The following PTPRN2 variants were observed in gnomAD, a reference collection of about 807,000 sequenced individuals.
PTPRN2 encodes the protein protein tyrosine phosphatase receptor type N2.
Under a neutral mutation model 118.8 loss-of-function variants are expected in PTPRN2, and 74 were observed. The observed-to-expected ratio is 0.62, with a 90% CI of 0.52 to 0.76. The LOEUF is 0.76. Among genes scored for constraint, PTPRN2 ranks in the 30% least tolerant of loss-of-function variants. The pLI is 0.00. For missense variants in PTPRN2, 1,481 were observed against 1,394.4 expected, an observed-to-expected ratio of 1.06 and a Z score of -0.99; for synonymous variants, 641 against 608.0, an observed-to-expected ratio of 1.05 and a Z score of -0.80.
chr7:158,520,588 G>T (rs1823906432), intron 1 of PTPRN2, among the ~76,000 whole-genome samples: 1 of 152,146 alleles, frequency 6.6e-6, no homozygotes, highest in South Asian at 2.1e-4. Context: ...AGCAACAGTG[G>T]CTCCAACCCC....
chr7:157,562,144 C>T (rs1799224136), intron 21 of PTPRN2, among the ~76,000 whole-genome samples: 1 of 152,196 alleles, frequency 6.6e-6, no homozygotes, highest in South Asian at 2.1e-4. Context: ...CGGCAGTGGC[C>T]AGGTTGCCCA....
At position 158,205,267 on chromosome 7, in the gene PTPRN2, G is replaced by T; in HGVS notation, c.284C>A (p.Thr95Lys). 6.2e-7 allele frequency: 1 copy of T among 1,612,946 alleles called. No individual in the cohort carries two copies. Among genetic ancestry groups the T allele is most frequent in the Non-Finnish European group, 8.5e-7 (1 of 1,179,584 alleles). ...ALQKLSGTGF[T>K]WQDDYTQYVM... ...ATACTGAGTATAGTCATCCTGCCAC[G>T]TGAAACCTGTGGACAAAAATTGCAA... The change falls in exon 4 of 23, where the codon ACG (threonine) becomes AAG (lysine). Residue 95 changes from threonine to lysine, a missense_variant. Physicochemically the swap from Thr to Lys is moderately conservative, Grantham distance 78. Around this residue, in one of 3 missense-constraint regions of PTPRN2, gnomAD observed 1,115 missense variants for 994.2 expected, o/e 1.12. Transcript: ENST00000389418.
intron 11 of PTPRN2, among the ~76,000 whole-genome samples, chr7:157,911,760 C>A (rs1798117839): frequency 6.6e-6 from 1 of 152,156 alleles, no homozygotes; most frequent in Admixed American, 6.5e-5. Context: ...TGCATAGTTT[C>A]TGTATGTAGA....
At chr7:157,621,601 G>A (rs919495129) in intron 14 of PTPRN2, 92 bp from the exon 15 acceptor site, 59 of 1,517,334 alleles carry the variant, frequency 3.9e-5, no homozygotes, top group Middle Eastern at 1.7e-4. Flanking sequence ...TGCACTCGCC[G>A]CGTGGGCCAT....
chr7:158,114,096 TTG>T (rs1816531017), intron 9 of PTPRN2, among the ~76,000 whole-genome samples: 1 of 152,118 alleles, frequency 6.6e-6, no homozygotes, highest in South Asian at 2.1e-4. Context: ...AAAAAACCCT[TTG>T]TAGGTGAAGG....
intron 3 of PTPRN2, among the ~76,000 whole-genome samples, chr7:158,252,246 G>C (rs907386722): frequency 6.6e-6 from 1 of 152,114 alleles, no homozygotes; most frequent in African/African-American, 2.4e-5. Flanking sequence ...TCACCTCTGC[G>C]GCGAGAATCA....
At chr7:158,129,240 A>C (rs1817959126) in intron 9 of PTPRN2, among the ~76,000 whole-genome samples, 1 of 143,984 alleles carries the variant, frequency 6.9e-6, no homozygotes, top group Admixed American at 6.9e-5. Flanking sequence ...CACGACACAC[A>C]ACAGACACCC....
intron 3 of PTPRN2, among the ~76,000 whole-genome samples, chr7:158,214,954 C>T (rs900324448): frequency 6.6e-6 from 1 of 152,000 alleles, no homozygotes; most frequent in Non-Finnish European, 1.5e-5. Flanking sequence ...CAAAAATGTC[C>T]AGATTTCAAA....
chr7:158,276,562 C>CCCAA (rs1799017227), intron 3 of PTPRN2, among the ~76,000 whole-genome samples: 1 of 152,148 alleles, frequency 6.6e-6, no homozygotes, highest in African/African-American at 2.4e-5. Flanking sequence ...ACACCCTGGC[C>CCCAA]CTGGGCAGTC....
intron 1 of PTPRN2, chr7:158,539,720 G>A (rs898720980): frequency 1.5e-5 from 4 of 258,342 alleles, no homozygotes; most frequent in Non-Finnish European, 3.1e-5. Context: ...GGTGACGGCT[G>A]GGGACATACT....
chr7:157,744,089 GT>G (rs1041642414), intron 12 of PTPRN2, among the ~76,000 whole-genome samples: 2 of 152,206 alleles, frequency 1.3e-5, no homozygotes, highest in African/African-American at 4.8e-5. Context: ...CATGCTTTCT[GT>G]TTTTATGGGA....
At chr7:157,847,780 G>A (rs1808963774) in intron 12 of PTPRN2, among the ~76,000 whole-genome samples, 1 of 142,832 alleles carries the variant, frequency 7.0e-6, no homozygotes, top group Non-Finnish European at 1.5e-5. Context: ...TGTCTACAGA[G>A]CCCTCTCTCA....
intron 22 of PTPRN2, among the ~76,000 whole-genome samples, chr7:157,544,797 C>T (rs895937955): frequency 2.6e-5 from 4 of 152,210 alleles, no homozygotes; most frequent in African/African-American, 7.2e-5. Flanking sequence ...TCTGGCATCC[C>T]TTGTGTCTGC....
chr7:157,775,034 T>G (rs977276205), intron 12 of PTPRN2, among the ~76,000 whole-genome samples: 18 of 152,190 alleles, frequency 1.2e-4, no homozygotes, highest in African/African-American at 4.1e-4. Flanking sequence ...GCATCCTAAC[T>G]GCTGTCAGCA....
intron 14 of PTPRN2, among the ~76,000 whole-genome samples, chr7:157,637,102 C>T (rs1263571): frequency 0.36 from 54,560 of 152,014 alleles, 10,727 homozygotes; most frequent in Middle Eastern, 0.47. Flanking sequence ...ATACACATTC[C>T]TTATTCAATG....
chr7:158,578,925 G>A (rs1190986472), intron 1 of PTPRN2, among the ~76,000 whole-genome samples: 1 of 152,128 alleles, frequency 6.6e-6, no homozygotes, highest in Non-Finnish European at 1.5e-5. Context: ...ACTACAACCA[G>A]CTAATTTTTA....
Position 157,707,855 on chromosome 7 carries a change from C to T in PTPRN2, c.1789-24918G>A, listed in dbSNP as rs141676733. On this transcript the variant is annotated intron_variant, in intron 12 of 22. Transcript: ENST00000389418. The stretch of plus-strand genomic sequence containing the variant: ...TCCACTCGCCTTGGCCCCCAAAGTG[C>T]TGGGATTACAGGCGTGAGCCACTGC... Among the ~76,000 whole-genome samples the T allele has an allele frequency of 5.2e-3, 795 of 152,340 alleles. 15 individuals are homozygous for T. Among genetic ancestry groups the T allele is most frequent in the East Asian group, 0.044 (229 of 5,186 alleles).
In PTPRN2 at chr7:157,623,625, G is replaced by A. The variant is rs2150648188; in HGVS notation, c.2197-2116C>T. Among the ~76,000 whole-genome samples the A allele has an allele frequency of 2.0e-5, 3 of 152,290 alleles. No individual in the cohort carries two copies. The East Asian group carries it at 5.8e-4, about 29-fold the overall frequency. ...TATAGGAAGCAAAATTACACTCTAA[G>A]TTCTCTTGAATTTCTAAATTTATGG... On this transcript the variant is annotated intron_variant, in intron 14 of 22. Transcript: ENST00000389418.
At chr7:157,875,463 C>G (rs950106148) in intron 12 of PTPRN2, among the ~76,000 whole-genome samples, 5 of 152,230 alleles carry the variant, frequency 3.3e-5, no homozygotes, top group Admixed American at 2.0e-4. Context: ...AGCTGCAATT[C>G]AGGCACCAAT....
Sources: allele counts gnomAD v4.1 joint callset (sites outside exome capture counted in the v4.1 genomes callset), GRCh38; gene constraint gnomAD v4.1.1; regional missense constraint gnomAD v4.1.1; transcripts MANE v1.5; gene names NCBI Gene and HGNC (gene_info 2026-07-23, HGNC 2026-07-21).